The following ABLIM1 variants were observed in gnomAD, a reference collection of about 807,000 sequenced individuals.
The protein encoded by ABLIM1 is actin binding LIM protein 1.
A neutral mutation model predicts 107.0 loss-of-function variants in ABLIM1; 40 were observed. The observed-to-expected ratio is 0.37, with a 90% CI of 0.29 to 0.49. ABLIM1 has a LOEUF of 0.49. Ranked by LOEUF, ABLIM1 falls within the 20% of genes least tolerant of loss-of-function variation. The pLI, the probability that ABLIM1 is intolerant of heterozygous loss-of-function variation, is 0.97. For missense variants in ABLIM1, 857 were observed against 1,008.5 expected, an observed-to-expected ratio of 0.85 and a Z score of 2.04; for synonymous variants, 357 against 357.3, an observed-to-expected ratio of 1.00 and a Z score of 0.01.
intron 4 of ABLIM1, among the ~76,000 whole-genome samples, chr10:114,548,963 C>T (rs1417709451): frequency 3.9e-5 from 6 of 152,222 alleles, no homozygotes; most frequent in Admixed American, 3.3e-4. Flanking sequence ...TTCCTAATGA[C>T]GCTTCTAGCC....
At chr10:114,644,307 AT>A (rs1452561637) in intron 1 of ABLIM1, among the ~76,000 whole-genome samples, 608 of 33,444 alleles carry the variant, frequency 0.018, 5 homozygotes, top group African/African-American at 0.037. Flanking sequence ...AAAAAAAAAA[AT>A]ATATATATAT....
At chr10:114,690,328 G>A (rs1046982655) in intron 1 of ABLIM1, 74 of 1,600,904 alleles carry the variant, frequency 4.6e-5, no homozygotes, top group Non-Finnish European at 5.6e-5. Context: ...TTTGTGTTGG[G>A]TCCAGCATTT....
At chr10:114,753,218 C>T (rs2082556395) in intron 1 of ABLIM1, among the ~76,000 whole-genome samples, 1 of 152,116 alleles carries the variant, frequency 6.6e-6, no homozygotes, top group African/African-American at 2.4e-5. Context: ...CCCAGCAAGG[C>T]AGAGACTACT....
intron 1 of ABLIM1, among the ~76,000 whole-genome samples, chr10:114,697,575 G>C (rs2081223325): frequency 6.6e-6 from 1 of 152,242 alleles, no homozygotes; most frequent in Non-Finnish European, 1.5e-5. Context: ...TTCACACAGG[G>C]TGTGTGCCAA....
At chr10:114,726,136 G>A (rs1233664949) in intron 1 of ABLIM1, among the ~76,000 whole-genome samples, 2 of 152,010 alleles carry the variant, frequency 1.3e-5, no homozygotes, top group Non-Finnish European at 2.9e-5. Context: ...CAAAAGATAT[G>A]AGTGTGTGAC....
chr10:114,578,655 C>T (rs1470860009), intron 2 of ABLIM1, among the ~76,000 whole-genome samples: 1 of 152,112 alleles, frequency 6.6e-6, no homozygotes, highest in Non-Finnish European at 1.5e-5. Flanking sequence ...ATCTGCCCAA[C>T]TCGGCCTCCC....
At chr10:114,764,420 TG>T (rs1192082407) in intron 1 of ABLIM1, among the ~76,000 whole-genome samples, 1 of 152,246 alleles carries the variant, frequency 6.6e-6, no homozygotes, top group Admixed American at 6.5e-5. Flanking sequence ...TCACCCAAGC[TG>T]GAGTGCAAAG....
chr10:114,568,196 C>CAAAA (rs34861242), intron 4 of ABLIM1, among the ~76,000 whole-genome samples: 645 of 52,282 alleles, frequency 0.012, 36 homozygotes, highest in African/African-American at 0.04. Context: ...GACTCCGTCT[C>CAAAA]AAAAAAAAAA....
chr10:114,606,718 A>G (rs2076441109), intron 1 of ABLIM1, among the ~76,000 whole-genome samples: 1 of 151,904 alleles, frequency 6.6e-6, no homozygotes, highest in South Asian at 2.1e-4. Flanking sequence ...TCTCTATCTC[A>G]TTTCACTCTC....
At chr10:114,468,735 T>A (rs976930701) in intron 10 of ABLIM1, among the ~76,000 whole-genome samples, 5 of 151,900 alleles carry the variant, frequency 3.3e-5, no homozygotes, top group Non-Finnish European at 7.4e-5. Context: ...TCCGGGGAGA[T>A]TCTGGTGCAC....
chr10:114,453,299 G>A (rs1026471236), intron 13 of ABLIM1, 80 bp downstream of exon 13: 5 of 1,433,646 alleles, frequency 3.5e-6, no homozygotes, highest in Non-Finnish European at 4.9e-6. Context: ...AAGAGCATGA[G>A]AGATGAGACA....
At chr10:114,588,477 T>C (rs2074433563) in intron 2 of ABLIM1, among the ~76,000 whole-genome samples, 1 of 144,772 alleles carries the variant, frequency 6.9e-6, no homozygotes. Flanking sequence ...TTTTTTCTTT[T>C]TCTTTCTTTC....
chr10:114,456,745 C>T (rs939621463), intron 12 of ABLIM1, among the ~76,000 whole-genome samples: 1 of 152,092 alleles, frequency 6.6e-6, no homozygotes, highest in South Asian at 2.1e-4. Context: ...TCAACAAGAC[C>T]CTGTGTTGGC....
chr10:114,645,610 C>T (rs1764545320), intron 1 of ABLIM1, among the ~76,000 whole-genome samples: 1 of 152,100 alleles, frequency 6.6e-6, no homozygotes, highest in African/African-American at 2.4e-5. Context: ...CCTGAAAAGA[C>T]CAAGCATGTT....
intron 1 of ABLIM1, among the ~76,000 whole-genome samples, chr10:114,742,889 C>T (rs1228383915): frequency 6.6e-6 from 1 of 152,108 alleles, no homozygotes; most frequent in Admixed American, 6.5e-5. Flanking sequence ...TGCCATTGCA[C>T]TCCAGCCTGG....
rs573119790 is a variant in ABLIM1, at chr10:114,745,303, G to A, written c.-213+22758C>T. Reference sequence around the variant, plus strand: ...TGGCCAGGTGCAGTGGCTCACGCCTGTAATCCTAGCACTTTGGGAGGCCAA... The same window carrying A: ...TGGCCAGGTGCAGTGGCTCACGCCTATAATCCTAGCACTTTGGGAGGCCAA... On this transcript the variant is annotated intron_variant, in intron 1 of 15. Coordinates refer to the ABLIM1 transcript ENST00000651092. 3.3e-5 allele frequency among the ~76,000 whole-genome samples: 5 copies of A among 152,352 alleles called. No homozygotes were observed. In the South Asian group the frequency reaches 8.3e-4, roughly 25 times the overall value.
At chr10:114,469,036 A>G (rs2065903701) in intron 10 of ABLIM1, among the ~76,000 whole-genome samples, 1 of 131,838 alleles carries the variant, frequency 7.6e-6, no homozygotes, top group South Asian at 2.8e-4. Flanking sequence ...TGGGAGACAG[A>G]GCGAGACTCT....
intron 1 of ABLIM1, among the ~76,000 whole-genome samples, chr10:114,647,781 A>C (rs1490700225): frequency 6.6e-6 from 1 of 152,222 alleles, no homozygotes; most frequent in Non-Finnish European, 1.5e-5. Context: ...ATCTATGGCC[A>C]CAGAACTTGG....
chr10:114,640,555 C>A (rs1381830801), intron 1 of ABLIM1, among the ~76,000 whole-genome samples: 3 of 151,722 alleles, frequency 2.0e-5, no homozygotes, highest in African/African-American at 7.3e-5. Flanking sequence ...ACAACAACAA[C>A]AACAACAACA....
Sources: gnomAD v4.1 joint callset for allele counts (sites outside exome capture counted in the v4.1 genomes callset) on GRCh38, gnomAD v4.1.1 for gene constraint, MANE v1.5 for transcripts, NCBI Gene and HGNC (gene_info 2026-07-23, HGNC 2026-07-21) for gene names.